TMEM154: variants seen among roughly 807,000 people sequenced by gnomAD.
The protein encoded by TMEM154 is transmembrane protein 154.
Under a neutral mutation model 24.5 loss-of-function variants are expected in TMEM154, and 27 were observed. The observed-to-expected ratio is 1.10, with a 90% CI of 0.81 to 1.52. TMEM154 has a LOEUF of 1.52. TMEM154 is among the 40% of genes most tolerant of loss of function. The pLI, the probability that TMEM154 is intolerant of heterozygous loss-of-function variation, is 0.00. For synonymous variants in TMEM154, 67 were observed against 76.8 expected (o/e 0.87, Z 0.67); for missense variants, 228 against 213.4 (o/e 1.07, Z -0.43).
chr4:152,677,498 C>A (rs1728973615), intron 1 of TMEM154, among the ~76,000 whole-genome samples: 1 of 152,090 alleles, frequency 6.6e-6, no homozygotes, highest in Non-Finnish European at 1.5e-5. Flanking sequence ...TATCCTGAAG[C>A]CTTAGGCACT....
intron 1 of TMEM154, among the ~76,000 whole-genome samples, chr4:152,653,635 C>T (rs995297794): frequency 1.3e-5 from 2 of 151,800 alleles, no homozygotes; most frequent in African/African-American, 4.8e-5. Context: ...AGTGATCCAC[C>T]CGCCTCAGCC....
At chr4:152,676,217 T>G (rs1439184093) in intron 1 of TMEM154, among the ~76,000 whole-genome samples, 1 of 152,166 alleles carries the variant, frequency 6.6e-6, no homozygotes, top group East Asian at 1.9e-4. Context: ...TTCCTCTTCC[T>G]CTCAGCCAGT....
At chr4:152,657,575 G>C (rs111822695) in intron 1 of TMEM154, among the ~76,000 whole-genome samples, 1 of 152,106 alleles carries the variant, frequency 6.6e-6, no homozygotes, top group Admixed American at 6.5e-5. Context: ...CCCAAGTTTC[G>C]CAAGAGATTT....
At chr4:152,665,373 C>CTCTATGG (rs769377942) in intron 1 of TMEM154, among the ~76,000 whole-genome samples, 20 of 152,324 alleles carry the variant, frequency 1.3e-4, no homozygotes, top group Non-Finnish European at 2.6e-4. Context: ...CTGTCTTGTT[C>CTCTATGG]TCTATGGTCC....
intron 5 of TMEM154, among the ~76,000 whole-genome samples, chr4:152,641,903 CTTTTT>C (rs780465309): frequency 7.2e-5 from 3 of 41,478 alleles, no homozygotes; most frequent in African/African-American, 1.1e-4. Context: ...AGCAATAATT[CTTTTT>C]TTTTTTTTTT....
intron 6 of TMEM154, among the ~76,000 whole-genome samples, chr4:152,634,972 A>G (rs1752120261): frequency 6.6e-6 from 1 of 152,144 alleles, no homozygotes; most frequent in Non-Finnish European, 1.5e-5. Flanking sequence ...TTTACTTACA[A>G]TGTGTCTCTC....
intron 6 of TMEM154, among the ~76,000 whole-genome samples, chr4:152,637,898 G>T (rs13140762): frequency 0.051 from 7,835 of 152,240 alleles, 278 homozygotes; most frequent in Non-Finnish European, 0.076. Flanking sequence ...ATAGGAAAAA[G>T]AAATGTACAT....
rs1752187306 is a variant in TMEM154 at position 152,638,307 on chromosome 4, G to C, written c.536+2621C>G. Among the ~76,000 whole-genome samples, 3 of 152,174 alleles carry C rather than the reference G, an allele frequency of 2.0e-5. No homozygotes were observed. In the South Asian group the frequency reaches 6.2e-4, roughly 31 times the overall value. On this transcript the variant is annotated intron_variant, in intron 6 of 6. Transcript: ENST00000304385. The stretch of plus-strand genomic sequence containing the variant: ...ACACCAAAAAACTCCAGAGTGATAA[G>C]TGGACTATTCTGAAATCACCAACAT...
At chr4:152,635,834 T>G (rs994577679) in intron 6 of TMEM154, among the ~76,000 whole-genome samples, 52 of 152,360 alleles carry the variant, frequency 3.4e-4, no homozygotes, top group African/African-American at 1.2e-3. Context: ...ATTTTCAAAA[T>G]TATAAATCCA....
At chr4:152,645,925 A>G (rs905777897) in intron 3 of TMEM154, among the ~76,000 whole-genome samples, 3 of 133,768 alleles carry the variant, frequency 2.2e-5, no homozygotes, top group Non-Finnish European at 4.7e-5. Flanking sequence ...TAGATGGGGG[A>G]AAGGAGAATA....
chr4:152,679,962 A>T lies in TMEM154; in HGVS notation c.-29T>A. ...CGCTCGCCTCGGCAGAGGCGCGCTC[A>T]GGATGCTGCGCCGGGCTGCAGCCTC... On this transcript the variant is annotated 5_prime_UTR_variant, in exon 1 of 7. Transcript: ENST00000304385. 1 of 1,590,246 alleles carries T rather than the reference A, an allele frequency of 6.3e-7. No individual in the cohort carries two copies. Among genetic ancestry groups the T allele is most frequent in the Non-Finnish European group, 8.6e-7 (1 of 1,166,734 alleles).
chr4:152,663,397 A>T (rs1728654520), intron 1 of TMEM154, among the ~76,000 whole-genome samples: 1 of 152,276 alleles, frequency 6.6e-6, no homozygotes, highest in Admixed American at 6.5e-5. Flanking sequence ...GAGGGCAAAG[A>T]GAGAGGCATT....
chr4:152,673,583 G>A lies in TMEM154; in HGVS notation c.64+6287C>T, dbSNP rs1728895650. ...CCCAAAGTGCTGGGATTACAGTCCT[G>A]AGCCACCATGCCTGGTGGCATAATA... On this transcript the variant is annotated intron_variant, in intron 1 of 6. Transcript: ENST00000304385. Among the ~76,000 whole-genome samples, 4 of 152,306 alleles carry A rather than the reference G, an allele frequency of 2.6e-5. No individual in the cohort carries two copies. In the South Asian group the frequency reaches 6.2e-4, roughly 24 times the overall value.
At chr4:152,669,269 G>T (rs369616388) in intron 1 of TMEM154, 1 of 151,856 alleles carries the variant, frequency 6.6e-6, no homozygotes, top group African/African-American at 2.4e-5. Context: ...ATTCTAATAC[G>T]TAGCTGTACA....
Position 152,628,452 on chromosome 4 carries a change from T to C in TMEM154, c.*94A>G. Reference sequence around the variant, plus strand: ...TCTTGTGTCTATGTTGATTTGAAATTAATTAAATTTGTATCCTCTTCATCC... The same window carrying C: ...TCTTGTGTCTATGTTGATTTGAAATCAATTAAATTTGTATCCTCTTCATCC... On this transcript the variant is annotated 3_prime_UTR_variant, in exon 7 of 7. Coordinates refer to ENST00000304385, the MANE Select transcript of TMEM154 (RefSeq NM_152680.3). 6.3e-7 allele frequency: 1 copy of C among 1,584,456 alleles called. No individual in the cohort carries two copies. Among genetic ancestry groups the C allele is most frequent in the Non-Finnish European group, 8.6e-7 (1 of 1,157,608 alleles).
chr4:152,656,370 C>G (rs776323513), intron 1 of TMEM154, among the ~76,000 whole-genome samples: 1 of 152,132 alleles, frequency 6.6e-6, no homozygotes, highest in African/African-American at 2.4e-5. Context: ...TCAACCCACC[C>G]CTGTCACCAC....
rs1751935153 is a variant in TMEM154 at position 152,627,133 on chromosome 4, GA to G, written c.*1412del. ...CTCTCTGGTCTGGAACTCTGCCTTTGAAATTATCCACGTAGTTCAGAAGGCA... is the reference window on the plus strand; with the variant it reads ...CTCTCTGGTCTGGAACTCTGCCTTTGAATTATCCACGTAGTTCAGAAGGCA... On this transcript the variant is annotated 3_prime_UTR_variant, in exon 7 of 7. Transcript: ENST00000304385. The G allele has an allele frequency of 6.6e-6, 1 of 152,200 alleles. No individual in the cohort carries two copies. Among genetic ancestry groups the G allele is most frequent in the Admixed American group, 6.5e-5 (1 of 15,280 alleles). The allele number at this position is 152,200 out of a possible 1,614,324, so 9.4% of individuals were successfully genotyped here.
intron 6 of TMEM154, among the ~76,000 whole-genome samples, chr4:152,637,692 T>C (rs770587601): frequency 5.9e-5 from 9 of 152,204 alleles, no homozygotes; most frequent in Admixed American, 2.6e-4. Context: ...TGACTTGTTT[T>C]AGTCTAAAGA....
Position 152,627,153 on chromosome 4 carries a change from G to A in TMEM154, c.*1393C>T, listed in dbSNP as rs752944985. On this transcript the variant is annotated 3_prime_UTR_variant, in exon 7 of 7. Transcript: ENST00000304385. ...CCTTTGAAATTATCCACGTAGTTCA[G>A]AAGGCAAATACTTGTTAAAGGGATC... 6.6e-6 allele frequency: 1 copy of A among 152,210 alleles called. No homozygotes were observed. Among genetic ancestry groups the A allele is most frequent in the Non-Finnish European group, 1.5e-5 (1 of 68,052 alleles). The allele number at this position is 152,210 out of a possible 1,614,324, so 9.4% of individuals were successfully genotyped here. A position where few individuals can be genotyped will look rare whatever the true frequency, so the allele number is the denominator to read the frequency against.
Sources: allele counts gnomAD v4.1 joint callset (sites outside exome capture counted in the v4.1 genomes callset), GRCh38; gene constraint gnomAD v4.1.1; transcripts MANE v1.5; gene names NCBI Gene and HGNC (gene_info 2026-07-23, HGNC 2026-07-21).